Variants in ENO4 observed in about 807,000 individuals in gnomAD.
The protein encoded by ENO4 is enolase 4.
In ENO4, 53 loss-of-function variants were observed where a neutral mutation model predicts 63.2. The ratio of observed to expected loss-of-function variants is 0.84; its 90% CI spans 0.67 to 1.05. The LOEUF (loss-of-function observed/expected upper bound fraction) is 1.05. Among genes scored for constraint, ENO4 ranks in the 50% least tolerant of loss-of-function variants. ENO4 has a pLI of 0.00. For synonymous variants in ENO4, 266 were observed against 283.8 expected, an observed-to-expected ratio of 0.94 and a Z score of 0.63; for missense variants, 719 against 772.0, an observed-to-expected ratio of 0.93 and a Z score of 0.81.
At position 116,856,621 on chromosome 10, in the gene ENO4, A is replaced by G. The variant is rs1298348118; in HGVS notation, c.424A>G (p.Ile142Val). The G allele has an allele frequency of 4.6e-6, 7 of 1,536,032 alleles. No homozygotes were observed. The South Asian group carries it at 5.9e-5, about 13-fold the overall frequency. Residue 142 changes from isoleucine (I) to valine (V), a missense_variant, in exon 3 of 14, where the codon ATC becomes GTC. By Grantham distance (29) the Ile-to-Val change is conservative (BLOSUM62 3). This residue lies in a region of ENO4 where 544 missense variants were observed against 583.6 expected (regional missense o/e 0.93). Coordinates refer to ENST00000341276, the MANE Select transcript of ENO4 (RefSeq NM_001242699.2). ...CGCCGTGCAGTGGGTCAACAGCACC[A>G]TCACGCACGAGCTCCAGGGGATGGC... Reference protein sequence around the residue: ...STAVQWVNSTITHELQGMAPS... With the variant: ...STAVQWVNSTVTHELQGMAPS...
chr10:116,907,904 C>A, intron 10 of ENO4: 1 of 518,336 alleles, frequency 1.9e-6, no homozygotes, highest in South Asian at 1.4e-5. Flanking sequence ...CTGCTCCCTC[C>A]CTGCCTGCCA....
At chr10:116,876,793 T>C (rs1005870017) in intron 11 of ENO4, among the ~76,000 whole-genome samples, 1 of 151,612 alleles carries the variant, frequency 6.6e-6, no homozygotes, top group African/African-American at 2.4e-5. Context: ...CTAGTAAAAA[T>C]ACAAAAAATT....
chr10:116,868,838 G>A lies in ENO4; in HGVS notation c.1047+132G>A, dbSNP rs1293072398. The A allele has an allele frequency of 2.9e-5, 23 of 786,072 alleles. No homozygotes were observed. In the South Asian group the frequency reaches 3.7e-4, roughly 13 times the overall value. The allele number at this position is 786,072 out of a possible 1,614,324, so 48.7% of individuals were successfully genotyped here. ...CAAATGGAAACCATATAGTGATATT[G>A]CTCCAGACACCCCCAGAGCTGCAGT... On this transcript the variant is annotated intron_variant, in intron 8 of 13. Coordinates refer to ENST00000341276, the MANE Select transcript of ENO4 (RefSeq NM_001242699.2).
At chr10:116,888,808 A>G (rs1847244870) in intron 10 of ENO4, among the ~76,000 whole-genome samples, 1 of 152,258 alleles carries the variant, frequency 6.6e-6, no homozygotes, top group Admixed American at 6.5e-5. Flanking sequence ...AATTTTTTTA[A>G]GACAACTACT....
At chr10:116,870,200 A>C (rs1380107251) in intron 8 of ENO4, among the ~76,000 whole-genome samples, 2 of 152,212 alleles carry the variant, frequency 1.3e-5, no homozygotes, top group Non-Finnish European at 2.9e-5. Context: ...CCTTACCTTA[A>C]GCCCTCAGAT....
intron 10 of ENO4, among the ~76,000 whole-genome samples, chr10:116,899,637 C>G (rs1399009161): frequency 6.6e-6 from 1 of 151,902 alleles, no homozygotes; most frequent in Non-Finnish European, 1.5e-5. Context: ...TGATTCAGGT[C>G]AAGAGCCAAT....
chr10:116,892,639 C>A (rs146305857), intron 10 of ENO4, among the ~76,000 whole-genome samples: 245 of 152,212 alleles, frequency 1.6e-3, no homozygotes, highest in Middle Eastern at 6.8e-3. Context: ...GTTTTTCTTT[C>A]AATTTACTGT....
chr10:116,876,029 T>C (rs1846823994), intron 10 of ENO4, 36 bp from the exon 11 acceptor site: 1 of 1,390,676 alleles, frequency 7.2e-7, no homozygotes, highest in East Asian at 2.6e-5. Context: ...TTATGTTCAA[T>C]GCATTATAAT....
chr10:116,860,138 C>A (rs2133254050), intron 4 of ENO4, among the ~76,000 whole-genome samples: 1 of 152,308 alleles, frequency 6.6e-6, no homozygotes, highest in Admixed American at 6.5e-5. Flanking sequence ...CCACTGGGGA[C>A]CTGAACCACA....
rs774731476 is a variant in ENO4, at chr10:116,911,743, C to T, written c.*171C>T. On this transcript the variant is annotated 3_prime_UTR_variant, in exon 11 of 11. Coordinates refer to the ENO4 transcript ENST00000369207. ...AAAAAACAGATTTTAAAATACTCTC[C>T]TTTCATTTCCCCATTAGCTAAACAA... The T allele has an allele frequency of 7.0e-6, 11 of 1,575,808 alleles. No individual in the cohort carries two copies. In the South Asian group the frequency reaches 8.9e-5, roughly 13 times the overall value.
intron 10 of ENO4, among the ~76,000 whole-genome samples, chr10:116,902,398 G>A (rs753103065): frequency 3.2e-4 from 49 of 152,260 alleles, no homozygotes; most frequent in Admixed American, 9.8e-4. Context: ...GCTCATGAAG[G>A]CTTCTTGAGC....
chr10:116,880,001 C>CT lies in ENO4; in HGVS notation c.1723+17dup, dbSNP rs1184082124. 6.6e-7 allele frequency: 1 copy of CT among 1,521,086 alleles called. No individual in the cohort carries two copies. Among genetic ancestry groups the CT allele is most frequent in the Non-Finnish European group, 8.9e-7 (1 of 1,122,090 alleles). The allele number at this position is 1,521,086 out of a possible 1,614,324, so 94.2% of individuals were successfully genotyped here. A position where few individuals can be genotyped will look rare whatever the true frequency, so the allele number is the denominator to read the frequency against. On this transcript the variant is annotated intron_variant, in intron 13 of 13. Transcript: ENST00000341276. ...TGGAACACTGGGTATGCGCTGCTTTCTTGCTTTGTTTCCACTTAGCCATGA... is the reference window on the plus strand; with the variant it reads ...TGGAACACTGGGTATGCGCTGCTTTCTTTGCTTTGTTTCCACTTAGCCATGA...
chr10:116,887,631 G>A (rs1334901415), intron 10 of ENO4, among the ~76,000 whole-genome samples: 3 of 152,248 alleles, frequency 2.0e-5, no homozygotes, highest in African/African-American at 4.8e-5. Flanking sequence ...GAGCTGGCAG[G>A]AGACACTCTT....
At chr10:116,868,423 T>G (rs1053254736) in intron 7 of ENO4, among the ~76,000 whole-genome samples, 1 of 152,192 alleles carries the variant, frequency 6.6e-6, no homozygotes, top group African/African-American at 2.4e-5. Context: ...AGGGTAAGGA[T>G]GAACTAAAGG....
At chr10:116,855,790 C>T (rs904449746) in intron 2 of ENO4, 39 bp downstream of exon 2, 1 of 1,483,038 alleles carries the variant, frequency 6.7e-7, no homozygotes, top group African/African-American at 1.4e-5. Flanking sequence ...ATGTCCTGGC[C>T]CCACTGCATT....
At chr10:116,878,856 G>T (rs571245894) in intron 11 of ENO4, among the ~76,000 whole-genome samples, 5 of 146,388 alleles carry the variant, frequency 3.4e-5, no homozygotes, top group Non-Finnish European at 7.4e-5. Context: ...CCATTCTCCT[G>T]CCTCAGCCTC....
At chr10:116,888,923 G>T (rs1708116561) in intron 10 of ENO4, among the ~76,000 whole-genome samples, 1 of 152,264 alleles carries the variant, frequency 6.6e-6, no homozygotes, top group South Asian at 2.1e-4. Flanking sequence ...GCCCAGCTAA[G>T]GTTCCAGGGA....
downstream of ENO4, chr10:116,884,154 A>G (rs540044505): frequency 2.0e-5 from 9 of 449,330 alleles, no homozygotes; most frequent in Middle Eastern, 3.3e-4. Flanking sequence ...TTGTGTAAGC[A>G]GGACGTATGT....
At position 116,871,192 on chromosome 10, in the gene ENO4, C is replaced by G; in HGVS notation, c.1115C>G (p.Pro372Arg). 1 of 1,550,440 alleles carries G rather than the reference C, an allele frequency of 6.4e-7. No individual in the cohort carries two copies. The highest frequency in any genetic ancestry group is 8.7e-7 in the Non-Finnish European group (1 of 1,146,946). ...ATTAACTGTGACTCCATAGAACAGC[C>G]ACTGCTTCTAATACAGGAAATCTGT... is the stretch of plus-strand genomic sequence containing the variant. ...LTINCDSIEQPLLLIQEICAN... is the reference protein window; with the variant it reads ...LTINCDSIEQRLLLIQEICAN... The change falls in exon 9 of 14, where the codon CCA (proline) becomes CGA (arginine). Residue 372 changes from proline to arginine, a missense_variant. By Grantham distance (103) the Pro-to-Arg change is moderately radical. This residue lies in a region of ENO4 where 544 missense variants were observed against 583.6 expected (regional missense o/e 0.93). Transcript: ENST00000341276.
Sources: gnomAD v4.1 joint callset for allele counts (sites outside exome capture counted in the v4.1 genomes callset) on GRCh38, gnomAD v4.1.1 for gene constraint, gnomAD v4.1.1 regional missense constraint, MANE v1.5 for transcripts, NCBI Gene and HGNC (gene_info 2026-07-23, HGNC 2026-07-21) for gene names.